Variants in NCOA3 observed in about 807,000 individuals in gnomAD.
The protein encoded by NCOA3 is CBP-interacting protein.
NCOA3 carries 51 observed loss-of-function variants against 158.8 expected under a neutral mutation model. That is an observed-to-expected ratio of 0.32 (90% CI 0.26 to 0.41). The LOEUF (loss-of-function observed/expected upper bound fraction) is 0.41. NCOA3 is among the 10% of genes least tolerant of loss of function. NCOA3 has a pLI of 1.00. For missense variants in NCOA3, 1,510 were observed against 1,746.6 expected, an observed-to-expected ratio of 0.86 and a Z score of 2.41; for synonymous variants, 537 against 592.4, an observed-to-expected ratio of 0.91 and a Z score of 1.36.
rs377014290 is a variant in NCOA3 at position 47,594,664 on chromosome 20, C to CAAAAAAAAAAAAA, written c.-20+11422_-20+11434dup. 7.0e-4 allele frequency among the ~76,000 whole-genome samples: 51 copies of CAAAAAAAAAAAAA among 72,950 alleles called. 2 individuals carry two copies. Among genetic ancestry groups the CAAAAAAAAAAAAA allele is most frequent in the Non-Finnish European group, 9.6e-4 (39 of 40,718 alleles). The allele number at this position is 72,950 out of a possible 152,430, so 47.9% of individuals were successfully genotyped here. On this transcript the variant is annotated intron_variant, in intron 2 of 22. Coordinates refer to ENST00000371998, the MANE Select transcript of NCOA3 (RefSeq NM_181659.3). The stretch of plus-strand genomic sequence containing the variant: ...TGGGCGACAGAGCGAGACTCTGTCT[C>CAAAAAAAAAAAAA]AAAAAAAAAAAAAAAAAAAAAAAAA...
chr20:47,502,051 G>A (rs1312265059), intron 1 of NCOA3, 32 bp downstream of exon 1: 1 of 399,396 alleles, frequency 2.5e-6, no homozygotes, highest in Non-Finnish European at 4.4e-6. Flanking sequence ...GGCGGTGGCG[G>A]GCGAGGGGGT....
In NCOA3 at chr20:47,652,429, G is replaced by A. The variant is rs1261674162; in HGVS notation, c.3970G>A (p.Ala1324Thr). 1.2e-6 allele frequency: 2 copies of A among 1,607,406 alleles called. No individual in the cohort carries two copies. The highest frequency in any genetic ancestry group is 2.7e-5 in the African/African-American group (2 of 74,838). ...AGGAATGGGACAACAACCAGATCCA[G>A]CCTTTGGTCGAGTGTCTAGTCCTCC... is the stretch of plus-strand genomic sequence containing the variant. ...NYGMGQQPDPAFGRVSSPPNA... is the reference protein window; with the variant it reads ...NYGMGQQPDPTFGRVSSPPNA... The change falls in exon 21 of 23, where the codon GCC (alanine) becomes ACC (threonine). Residue 1324 changes from alanine (A) to threonine (T), a missense_variant. Ala to Thr is a moderately conservative substitution (Grantham distance 58). Around this residue, in one of 4 missense-constraint regions of NCOA3, gnomAD observed 180 missense variants for 199.3 expected, o/e 0.90. Transcript: ENST00000371998.
intron 2 of NCOA3, among the ~76,000 whole-genome samples, chr20:47,617,951 T>TAG (rs1311615736): frequency 1.3e-5 from 2 of 152,138 alleles, no homozygotes; most frequent in East Asian, 3.9e-4. Context: ...AAACCCAAGA[T>TAG]AGAGACTGGA....
At chr20:47,560,968 C>CTTTTTTT (rs11481985) in intron 1 of NCOA3, among the ~76,000 whole-genome samples, 16 of 101,144 alleles carry the variant, frequency 1.6e-4, no homozygotes, top group South Asian at 3.4e-4. Flanking sequence ...ATCCCTCATT[C>CTTTTTTT]TTTTTTTTTT....
chr20:47,650,259 C>CTTTTT (rs555753870), intron 19 of NCOA3, among the ~76,000 whole-genome samples: 1 of 131,092 alleles, frequency 7.6e-6, no homozygotes, highest in Admixed American at 7.7e-5. Context: ...AGCCAGAAAG[C>CTTTTT]TTTTTTTTTT....
At chr20:47,567,012 C>CTATGTACATATG (rs904150545) in intron 1 of NCOA3, among the ~76,000 whole-genome samples, 4,974 of 145,446 alleles carry the variant, frequency 0.034, 122 homozygotes, top group Middle Eastern at 0.082. Context: ...TGGTATAGTA[C>CTATGTACATATG]TATGTATGTA....
rs1353259009 is a variant in NCOA3 at position 47,655,359 on chromosome 20, TGA to T, written c.*1946_*1947del. 6.6e-6 allele frequency: 1 copy of T among 152,236 alleles called. No homozygotes were observed. The highest frequency in any genetic ancestry group is 1.5e-5 in the Non-Finnish European group (1 of 68,040). The allele number at this position is 152,236 out of a possible 1,614,324, so 9.4% of individuals were successfully genotyped here. A position where few individuals can be genotyped will look rare whatever the true frequency, so the allele number is the denominator to read the frequency against. ...CTTGGTATCATTTTCTAGCAATAAC[TGA>T]GAGCCAGTTAATTTTAAGAATTTCA... On this transcript the variant is annotated 3_prime_UTR_variant, in exon 23 of 23. Transcript: ENST00000371998.
intron 2 of NCOA3, among the ~76,000 whole-genome samples, chr20:47,615,895 C>T (rs1458931800): frequency 1.3e-5 from 2 of 152,124 alleles, no homozygotes; most frequent in Admixed American, 6.5e-5. Flanking sequence ...TGGTGGCTCA[C>T]GCCTGTAATT....
chr20:47,520,115 C>T (rs1415383487), intron 1 of NCOA3, among the ~76,000 whole-genome samples: 1 of 150,512 alleles, frequency 6.6e-6, no homozygotes, highest in African/African-American at 2.4e-5. Context: ...TGTCAGTGGC[C>T]TCAGTGCTTT....
chr20:47,548,147 A>G (rs980452681), intron 1 of NCOA3, among the ~76,000 whole-genome samples: 1 of 152,100 alleles, frequency 6.6e-6, no homozygotes, highest in Non-Finnish European at 1.5e-5. Flanking sequence ...ATTTGTTAAT[A>G]TAGAGGAATT....
chr20:47,638,302 C>T (rs1023112444), intron 13 of NCOA3, among the ~76,000 whole-genome samples: 1 of 152,088 alleles, frequency 6.6e-6, no homozygotes, highest in Non-Finnish European at 1.5e-5. Context: ...CCCAGCTACT[C>T]GGGAGGCTAA....
chr20:47,554,482 C>T (rs2084971259), intron 1 of NCOA3, among the ~76,000 whole-genome samples: 1 of 151,942 alleles, frequency 6.6e-6, no homozygotes, highest in Admixed American at 6.6e-5. Context: ...CCAAAATCTC[C>T]TTAAGCTGAT....
chr20:47,533,323 T>C (rs1189332545), intron 1 of NCOA3, among the ~76,000 whole-genome samples: 1 of 150,824 alleles, frequency 6.6e-6, no homozygotes, highest in Non-Finnish European at 1.5e-5. Flanking sequence ...ATTTTTTTTT[T>C]TCTTTTTCCC....
rs143326932 is a variant in NCOA3 at position 47,616,484 on chromosome 20, C to T, written c.-19-5745C>T. On this transcript the variant is annotated intron_variant, in intron 2 of 22. Transcript: ENST00000371998. ...CTAGGATTACAGGCGTGAGCCACCCCGCCCAGCCTTTTAAAAATGCAGTCT... is the reference window on the plus strand; with the variant it reads ...CTAGGATTACAGGCGTGAGCCACCCTGCCCAGCCTTTTAAAAATGCAGTCT... Among the ~76,000 whole-genome samples, 1,118 of 152,188 alleles carry T rather than the reference C, an allele frequency of 7.3e-3. 22 individuals are homozygous for T. Among genetic ancestry groups the T allele is most frequent in the African/African-American group, 0.025 (1,048 of 41,530 alleles).
rs959942004 is a variant in NCOA3, at chr20:47,655,328, GC to G, written c.*1912del. 8.5e-5 allele frequency: 13 copies of G among 152,304 alleles called. No homozygotes were observed. The highest frequency in any genetic ancestry group is 3.1e-4 in the African/African-American group (13 of 41,576). 9.4% of individuals were successfully genotyped at this position (152,304 alleles called of 1,614,324 possible). ...ATGTCTGTGAATTTCAGAGGTCTCT[GC>G]TAGCCTTGGTATCATTTTCTAGCAA... is the stretch of plus-strand genomic sequence containing the variant. On this transcript the variant is annotated 3_prime_UTR_variant, in exon 23 of 23. Transcript: ENST00000371998.
intron 1 of NCOA3, among the ~76,000 whole-genome samples, chr20:47,535,506 G>C (rs2084617663): frequency 6.6e-6 from 1 of 150,992 alleles, no homozygotes; most frequent in Non-Finnish European, 1.5e-5. Context: ...TGAGTGCAAG[G>C]TTTTTTTGCT....
intron 1 of NCOA3, among the ~76,000 whole-genome samples, chr20:47,531,861 T>C (rs779517968): frequency 6.6e-5 from 10 of 152,342 alleles, no homozygotes; most frequent in African/African-American, 1.9e-4. Context: ...TCTTTACCTT[T>C]GGAAGCTTCT....
chr20:47,641,169 T>G (rs2086599996), intron 16 of NCOA3, among the ~76,000 whole-genome samples: 1 of 152,092 alleles, frequency 6.6e-6, no homozygotes, highest in Admixed American at 6.5e-5. Flanking sequence ...GATAAATGTT[T>G]AACTTCATGC....
At chr20:47,556,015 A>G (rs1315798207) in intron 1 of NCOA3, among the ~76,000 whole-genome samples, 1 of 146,450 alleles carries the variant, frequency 6.8e-6, no homozygotes, top group Non-Finnish European at 1.5e-5. Flanking sequence ...GCTCACTGCA[A>G]TCTCTGCCTC....
Sources: allele counts gnomAD v4.1 joint callset (sites outside exome capture counted in the v4.1 genomes callset), GRCh38; gene constraint gnomAD v4.1.1; regional missense constraint gnomAD v4.1.1; transcripts MANE v1.5; gene names NCBI Gene and HGNC (gene_info 2026-07-23, HGNC 2026-07-21).